The following HERC3 variants were observed in gnomAD, a reference collection of about 807,000 sequenced individuals.
HERC3 encodes the protein HECT and RLD domain containing E3 ubiquitin protein ligase 3.
HERC3 carries 58 observed loss-of-function variants against 129.9 expected under a neutral mutation model. That is an observed-to-expected ratio of 0.45 (90% confidence interval 0.36 to 0.56). HERC3 has a LOEUF of 0.56. HERC3 is among the 20% of genes least tolerant of loss of function. HERC3 has a pLI of 0.00. For missense variants in HERC3, 835 were observed against 1,244.2 expected, an observed-to-expected ratio of 0.67 and a Z score of 4.95; for synonymous variants, 430 against 451.0, an observed-to-expected ratio of 0.95 and a Z score of 0.59.
the HERC3 span, among the ~76,000 whole-genome samples, chr4:88,532,085 A>AC: frequency 6.6e-6 from 1 of 152,210 alleles, no homozygotes; most frequent in African/African-American, 2.4e-5. Context: ...TGACTGGTCA[A>AC]CTACCCCAGA....
chr4:88,697,204 C>G, intron 23 of HERC3: 5 of 1,512,946 alleles, frequency 3.3e-6, no homozygotes, highest in African/African-American at 1.4e-5. Context: ...TCTCTGCCCC[C>G]CTTACTTCTT....
At chr4:88,700,690 G>A (rs1038640251) in intron 23 of HERC3, among the ~76,000 whole-genome samples, 1 of 151,908 alleles carries the variant, frequency 6.6e-6, no homozygotes, top group Non-Finnish European at 1.5e-5. Flanking sequence ...CCAACAGGGT[G>A]TGAAGCCGAG....
intron 23 of HERC3, 98 bp downstream of exon 23, chr4:88,687,397 C>A (rs1046450897): frequency 6.3e-6 from 4 of 635,940 alleles, no homozygotes; most frequent in African/African-American, 3.8e-5. Flanking sequence ...AATATTAATA[C>A]CTTCTTCAGA....
intron 23 of HERC3, 139 bp from the exon 24 acceptor site, chr4:88,703,959 A>G (rs1735546272): frequency 1.4e-6 from 1 of 737,008 alleles, no homozygotes; most frequent in Non-Finnish European, 2.3e-6. Flanking sequence ...GGTAACCTAT[A>G]TGATGCCTTA....
upstream of HERC3, among the ~76,000 whole-genome samples, chr4:88,590,921 T>G (rs1721668394): frequency 6.6e-6 from 1 of 151,610 alleles, no homozygotes; most frequent in South Asian, 2.1e-4. Context: ...CGTTTCATTC[T>G]GTTGCCCAGG....
intron 21 of HERC3, among the ~76,000 whole-genome samples, chr4:88,681,590 A>G (rs1282900414): frequency 6.6e-6 from 1 of 152,226 alleles, no homozygotes; most frequent in Non-Finnish European, 1.5e-5. Context: ...CAAGTCCTGC[A>G]GGGGCCCTAG....
At chr4:88,527,891 A>G in the HERC3 span, 1 of 286,978 alleles carries the variant, frequency 3.5e-6, no homozygotes, top group South Asian at 3.8e-5. Context: ...TACCACTGGG[A>G]CAACAGCACC....
the HERC3 span, among the ~76,000 whole-genome samples, chr4:88,538,543 CTCT>C: frequency 7.5e-6 from 1 of 133,950 alleles, no homozygotes; most frequent in Non-Finnish European, 1.6e-5. Context: ...TCCCAATTTC[CTCT>C]TTTTTTTTTT....
rs749658148 is a variant in HERC3 at position 88,697,685 on chromosome 4, C to T, written c.2658-6413C>T. On this transcript the variant is annotated intron_variant, in intron 23 of 25. Transcript: ENST00000402738. Reference sequence around the variant, plus strand: ...GCACCGCCTTCCGCCATTACCTCCTCTGCCGCTGCCTCCGCCGCTGCCGCC... The same window carrying T: ...GCACCGCCTTCCGCCATTACCTCCTTTGCCGCTGCCTCCGCCGCTGCCGCC... 18 of 1,611,164 alleles carry T rather than the reference C, an allele frequency of 1.1e-5. No homozygotes were observed. The Admixed American group carries it at 2.5e-4, about 22-fold the overall frequency.
At chr4:88,615,223 T>TCC (rs57672998) in intron 3 of HERC3, among the ~76,000 whole-genome samples, 7,073 of 152,258 alleles carry the variant, frequency 0.046, 210 homozygotes, top group Middle Eastern at 0.12. Context: ...GATGATTTCA[T>TCC]CTAGGTTGGT....
intron 10 of HERC3, among the ~76,000 whole-genome samples, chr4:88,660,206 A>ATT (rs551134204): frequency 2.1e-3 from 303 of 145,458 alleles, no homozygotes; most frequent in African/African-American, 6.6e-3. Context: ...TACAGCCTCT[A>ATT]TTTTTTTTTT....
the HERC3 span, among the ~76,000 whole-genome samples, chr4:88,535,473 ATCT>A: frequency 2.2e-4 from 34 of 152,282 alleles, no homozygotes; most frequent in Admixed American, 1.3e-3. Context: ...AATCAGAATG[ATCT>A]TCTTAAATTT....
chr4:88,668,169 A>C lies in HERC3; in HGVS notation c.1633+88A>C. The C allele has an allele frequency of 6.6e-6, 7 of 1,064,334 alleles. No individual in the cohort carries two copies. The South Asian group carries it at 9.7e-5, about 15-fold the overall frequency. The allele number at this position is 1,064,334 out of a possible 1,614,324, so 65.9% of individuals were successfully genotyped here. ...GGCTCTCAGTGGATTGAGATCCAAG[A>C]ATCTATTTGTTGCCATTTAATATCC... is the stretch of plus-strand genomic sequence containing the variant. On this transcript the variant is annotated intron_variant, in intron 14 of 25. Coordinates refer to ENST00000402738, the MANE Select transcript of HERC3 (RefSeq NM_014606.3).
intron 23 of HERC3, among the ~76,000 whole-genome samples, chr4:88,699,750 T>G (rs1340201162): frequency 6.6e-6 from 1 of 152,200 alleles, no homozygotes; most frequent in Non-Finnish European, 1.5e-5. Flanking sequence ...TTAAAATATT[T>G]AGGGCATGTT....
chr4:88,672,621 T>C (rs2924922), intron 16 of HERC3, among the ~76,000 whole-genome samples: 9,230 of 152,308 alleles, frequency 0.061, 731 homozygotes, highest in East Asian at 0.27. Context: ...AGTATATTAT[T>C]GAGCACATGC....
intron 3 of HERC3, among the ~76,000 whole-genome samples, chr4:88,607,792 A>C (rs1162692918): frequency 6.6e-6 from 1 of 152,134 alleles, no homozygotes; most frequent in East Asian, 1.9e-4. Context: ...TAAAGAATCT[A>C]AGTTTGACTT....
intron 3 of HERC3, among the ~76,000 whole-genome samples, chr4:88,641,413 G>T (rs554549962): frequency 1.3e-5 from 2 of 152,208 alleles, no homozygotes; most frequent in Admixed American, 1.3e-4. Flanking sequence ...AATATTAAGA[G>T]CATAATAAAT....
At position 88,619,027 on chromosome 4, in the gene HERC3, G is replaced by A. The variant is rs1725227949; in HGVS notation, c.226+12978G>A. 3.3e-5 allele frequency among the ~76,000 whole-genome samples: 5 copies of A among 152,178 alleles called. No individual in the cohort carries two copies. The South Asian group carries it at 1.0e-3, about 31-fold the overall frequency. On this transcript the variant is annotated intron_variant, in intron 3 of 25. Coordinates refer to ENST00000402738, the MANE Select transcript of HERC3 (RefSeq NM_014606.3). ...ATGGAGTTAACCCATAAAATTGCAT[G>A]ACAGAAAAGACTGGAGGGAGCCAGA...
At chr4:88,692,347 TG>T (rs1734156048) in intron 23 of HERC3, among the ~76,000 whole-genome samples, 2 of 38,072 alleles carry the variant, frequency 5.3e-5, no homozygotes, top group Non-Finnish European at 1.0e-4. Context: ...GACACACACA[TG>T]GGGCTGGGGG....
Sources: gnomAD v4.1 joint callset for allele counts (sites outside exome capture counted in the v4.1 genomes callset) on GRCh38, gnomAD v4.1.1 for gene constraint, MANE v1.5 for transcripts, NCBI Gene and HGNC (gene_info 2026-07-23, HGNC 2026-07-21) for gene names.